The following CPEB2 variants were observed in gnomAD, a reference collection of about 807,000 sequenced individuals.
CPEB2 encodes cytoplasmic polyadenylation element binding protein 2, also known as cytoplasmic polyadenylation element-binding protein 2.
A neutral mutation model predicts 93.6 loss-of-function variants in CPEB2; 56 were observed. The observed-to-expected ratio is 0.60, with a 90% CI of 0.48 to 0.75. The LOEUF is 0.75. Among genes scored for constraint, CPEB2 ranks in the 30% least tolerant of loss-of-function variants. CPEB2 has a pLI of 0.00. For synonymous variants in CPEB2, 764 were observed against 586.3 expected (o/e 1.30, Z -4.38); for missense variants, 1,579 against 1,395.1 (o/e 1.13, Z -2.10).
chr4:15,041,036 C>A (rs1727131471), intron 6 of CPEB2, among the ~76,000 whole-genome samples: 1 of 152,114 alleles, frequency 6.6e-6, no homozygotes, highest in African/African-American at 2.4e-5. Context: ...CACACACAAA[C>A]ACATACCTTC....
intron 4 of CPEB2, among the ~76,000 whole-genome samples, chr4:15,031,304 T>C (rs1415755821): frequency 6.6e-6 from 1 of 151,880 alleles, no homozygotes; most frequent in Non-Finnish European, 1.5e-5. Flanking sequence ...AAGTCAGAAA[T>C]AACAGTAATT....
intron 1 of CPEB2, among the ~76,000 whole-genome samples, chr4:15,004,720 G>T (rs1315113908): frequency 6.6e-6 from 1 of 151,866 alleles, no homozygotes; most frequent in Non-Finnish European, 1.5e-5. Context: ...CGCACCCCGG[G>T]ATCCGCCCTG....
chr4:15,011,539 A>T (rs952240872), intron 3 of CPEB2, among the ~76,000 whole-genome samples: 3 of 152,156 alleles, frequency 2.0e-5, no homozygotes, highest in Non-Finnish European at 4.4e-5. Flanking sequence ...AGATCCAGCA[A>T]TGTGCACTAC....
chr4:15,011,829 C>T (rs1723524988), intron 3 of CPEB2, among the ~76,000 whole-genome samples: 1 of 152,064 alleles, frequency 6.6e-6, no homozygotes, highest in South Asian at 2.1e-4. Flanking sequence ...ACGTGCATGT[C>T]CGCCTGCCTT....
chr4:15,009,609 A>G (rs1262843902), intron 3 of CPEB2, among the ~76,000 whole-genome samples: 2 of 152,216 alleles, frequency 1.3e-5, no homozygotes, highest in Non-Finnish European at 2.9e-5. Flanking sequence ...GAAGAAAATT[A>G]ATGTAATTAT....
intron 4 of CPEB2, among the ~76,000 whole-genome samples, chr4:15,032,182 CA>C (rs1209206578): frequency 6.6e-6 from 1 of 152,166 alleles, no homozygotes. Flanking sequence ...ACTACATGCT[CA>C]AACTCCTGGG....
rs1722107297 is a variant in CPEB2, at chr4:15,002,704, A to G, written c.31A>G (p.Thr11Ala). The G allele has an allele frequency of 2.0e-6, 3 of 1,523,410 alleles. No homozygotes were observed. The highest frequency in any genetic ancestry group is 2.5e-5 in the East Asian group (1 of 39,956). The allele number at this position is 1,523,410 out of a possible 1,614,324, so 94.4% of individuals were successfully genotyped here. MRDFGFGVLQTAPLRSSSPGP... is the reference protein window; with the variant it reads MRDFGFGVLQAAPLRSSSPGP... ...GGATTTCGGGTTTGGGGTGCTGCAG[A>G]CCGCCCCGCTCCGAAGTAGCAGTCC... Residue 11 changes from threonine to alanine, a missense_variant, in exon 1 of 12, where the codon ACC (threonine) becomes GCC (alanine). Around this residue, in one of 2 missense-constraint regions of CPEB2, gnomAD observed 1,411 missense variants for 1,056.0 expected, o/e 1.34. Transcript: ENST00000538197.
At chr4:15,047,401 A>C (rs994944716) in intron 6 of CPEB2, among the ~76,000 whole-genome samples, 3 of 152,072 alleles carry the variant, frequency 2.0e-5, no homozygotes, top group Non-Finnish European at 4.4e-5. Flanking sequence ...TCTTCTGTTT[A>C]TTCATTTATT....
intron 4 of CPEB2, among the ~76,000 whole-genome samples, chr4:15,031,042 C>T (rs369939060): frequency 3.9e-5 from 6 of 152,022 alleles, no homozygotes; most frequent in Non-Finnish European, 5.9e-5. Flanking sequence ...ATCCCTGGGC[C>T]TGATTACTAT....
At chr4:15,040,933 T>A (rs1727114312) in intron 6 of CPEB2, among the ~76,000 whole-genome samples, 1 of 152,190 alleles carries the variant, frequency 6.6e-6, no homozygotes, top group African/African-American at 2.4e-5. Context: ...CCAAATAGAT[T>A]ATTTTTAACA....
At chr4:15,011,586 C>T (rs555200539) in intron 3 of CPEB2, among the ~76,000 whole-genome samples, 1 of 152,152 alleles carries the variant, frequency 6.6e-6, no homozygotes, top group South Asian at 2.1e-4. Flanking sequence ...ATGCCTGAGC[C>T]CCAGAGTTGA....
In CPEB2 at chr4:15,003,007, G is replaced by A. The variant is rs973320401; in HGVS notation, c.334G>A (p.Ala112Thr). 4.7e-6 allele frequency: 7 copies of A among 1,495,618 alleles called. No homozygotes were observed. Among genetic ancestry groups the A allele is most frequent in the Middle Eastern group, 1.7e-4 (1 of 5,758 alleles). The allele number at this position is 1,495,618 out of a possible 1,614,324, so 92.6% of individuals were successfully genotyped here. The change falls in exon 1 of 12, where the codon GCG becomes ACG. Residue 112 changes from alanine (A) to threonine (T), a missense_variant. This residue lies in a region of CPEB2 where 1,411 missense variants were observed against 1,056.0 expected (regional missense o/e 1.34). Transcript: ENST00000538197. ...TQQPARPLSG[A>T]AATEKLPDHH... ...GCAGCCGGCGCGGCCGCTTTCGGGG[G>A]CGGCGGCCACGGAGAAACTCCCCGA... is the stretch of plus-strand genomic sequence containing the variant.
intron 1 of CPEB2, chr4:15,004,925 G>C (rs1722589151): frequency 7.1e-6 from 1 of 140,832 alleles, no homozygotes; most frequent in Admixed American, 6.7e-5. Context: ...AGGCGGAAAG[G>C]CTTTTTTTTT....
intron 6 of CPEB2, among the ~76,000 whole-genome samples, chr4:15,044,289 T>C (rs1293170475): frequency 6.6e-6 from 1 of 152,200 alleles, no homozygotes; most frequent in Non-Finnish European, 1.5e-5. Flanking sequence ...CACAGTTGAG[T>C]AATTCCAACA....
intron 6 of CPEB2, among the ~76,000 whole-genome samples, chr4:15,043,592 G>A (rs1265913832): frequency 6.6e-6 from 1 of 152,082 alleles, no homozygotes; most frequent in African/African-American, 2.4e-5. Flanking sequence ...AGGGAGGCGT[G>A]AAGTGTAATT....
intron 4 of CPEB2, among the ~76,000 whole-genome samples, chr4:15,018,430 C>T (rs938166933): frequency 6.6e-6 from 1 of 150,460 alleles, no homozygotes. Flanking sequence ...AATAGTAATT[C>T]CTCATACAAA....
At position 15,003,651 on chromosome 4, in the gene CPEB2, T is replaced by G. The variant is rs1722326952; in HGVS notation, c.978T>G (p.Ser326Arg). 2.0e-6 allele frequency: 3 copies of G among 1,477,660 alleles called. No individual in the cohort carries two copies. Among genetic ancestry groups the G allele is most frequent in the Non-Finnish European group, 8.9e-7 (1 of 1,118,240 alleles). 91.5% of individuals were successfully genotyped at this position (1,477,660 alleles called of 1,614,324 possible). The change falls in exon 1 of 12, where the codon AGT becomes AGG. Residue 326 changes from serine (S) to arginine (R), a missense_variant. Transcript: ENST00000538197. ...SPNHPLLNSP[S>R]NLLPGGALGA... ...ACCACCCTCTGCTCAACAGTCCCAG[T>G]AACCTCCTGCCCGGAGGTGCGCTTG...
At chr4:15,064,579 T>TAAAA (rs993627988) in intron 11 of CPEB2, among the ~76,000 whole-genome samples, 1 of 150,368 alleles carries the variant, frequency 6.7e-6, no homozygotes. Flanking sequence ...AATCTTATTT[T>TAAAA]AAAAAAAAAG....
intron 4 of CPEB2, among the ~76,000 whole-genome samples, chr4:15,030,571 T>C (rs944740226): frequency 7.2e-5 from 11 of 152,122 alleles, no homozygotes; most frequent in Non-Finnish European, 1.6e-4. Flanking sequence ...AAAGTACTTT[T>C]AATAATACCC....
Sources: gnomAD v4.1 joint callset for allele counts (sites outside exome capture counted in the v4.1 genomes callset) on GRCh38, gnomAD v4.1.1 for gene constraint, gnomAD v4.1.1 regional missense constraint, MANE v1.5 for transcripts, NCBI Gene and HGNC (gene_info 2026-07-23, HGNC 2026-07-21) for gene names.